COL1A1: variants seen among roughly 807,000 people sequenced by gnomAD.
COL1A1 encodes the protein collagen type I alpha 1 chain, also known as collagen alpha-1(I) chain.
COL1A1 carries 21 observed loss-of-function variants against 195.7 expected under a neutral mutation model. That is an observed-to-expected ratio of 0.11 (90% CI 0.08 to 0.15). The LOEUF is 0.15. Ranked by LOEUF, COL1A1 falls within the 10% of genes least tolerant of loss-of-function variation. The pLI is 1.00. For missense variants in COL1A1, 1,365 were observed against 2,051.0 expected (o/e 0.67, Z 6.46); for synonymous variants, 749 against 747.3 (o/e 1.00, Z -0.04).
chr17:50,191,897 A>T lies in COL1A1; in HGVS notation c.2029-11T>A, dbSNP rs1598292605. ...GAAACCTCTCTCGCCCTAGAAGGGA[A>T]GGACAGGGCATGTGAAGGCTGCTCT... On this transcript the variant is annotated splice_polypyrimidine_tract_variant and intron_variant, in intron 30 of 50. Transcript: ENST00000225964. 1 of 1,603,874 alleles carries T rather than the reference A, an allele frequency of 6.2e-7. No homozygotes were observed. The highest frequency in any genetic ancestry group is 1.1e-5 in the South Asian group (1 of 89,128).
rs1906863990 is a variant in COL1A1, at chr17:50,189,377, A to G, written c.2829T>C (p.Ala943=). The part of the protein sequence containing the change: ...EKGSPGADGP[A]GAPGTPGPQG... ...TGCAGAGATCTGAGCTGGCACTTACAGCAGGACCATCAGCACCAGGGGATC... is the reference window on the plus strand; with the variant it reads ...TGCAGAGATCTGAGCTGGCACTTACGGCAGGACCATCAGCACCAGGGGATC... The change falls in exon 39 of 51, where the codon GCT becomes GCC. Residue 943 remains alanine, a splice_region_variant and synonymous_variant. Coordinates refer to ENST00000225964, the MANE Select transcript of COL1A1 (RefSeq NM_000088.4). The surrounding 1 kb of genome is among the most constrained non-coding windows in gnomAD (Gnocchi z 5.5). 6.2e-7 allele frequency: 1 copy of G among 1,613,516 alleles called. No individual in the cohort carries two copies. Among genetic ancestry groups the G allele is most frequent in the Non-Finnish European group, 8.5e-7 (1 of 1,179,860 alleles).
Position 50,195,167 on chromosome 17 carries a change from C to G in COL1A1, c.1299+65G>C, listed in dbSNP as rs1907465927. 2 of 1,606,274 alleles carry G rather than the reference C, an allele frequency of 1.2e-6. No individual in the cohort carries two copies. The stretch of plus-strand genomic sequence containing the variant: ...CTCAGTTGGCCTGCGTCTTCCTGCT[C>G]CCCAGATGAGAGCCGCACTGGAGCC... On this transcript the variant is annotated intron_variant, in intron 19 of 50. Transcript: ENST00000225964. The surrounding 1 kb of genome is among the most constrained non-coding windows in gnomAD (Gnocchi z 4.3).
chr17:50,197,853 G>C (rs1213799411), intron 8 of COL1A1, 68 bp from the exon 9 acceptor site: 1 of 1,589,028 alleles, frequency 6.3e-7, no homozygotes, highest in African/African-American at 1.3e-5. Flanking sequence ...TGGGATTGAA[G>C]GGAAGAGGTA....
intron 46 of COL1A1, 101 bp downstream of exon 46, chr17:50,187,383 C>G: frequency 8.2e-7 from 1 of 1,217,034 alleles, no homozygotes; most frequent in South Asian, 1.3e-5. Flanking sequence ...GTCCCTGAAC[C>G]CTTCTCCAGA....
In COL1A1 at chr17:50,198,008, G is replaced by C. The variant is rs1333595376; in HGVS notation, c.589-6C>G. 9 of 1,613,916 alleles carry C rather than the reference G, an allele frequency of 5.6e-6. No homozygotes were observed. The highest frequency in any genetic ancestry group is 7.6e-6 in the Non-Finnish European group (9 of 1,179,972). On this transcript the variant is annotated splice_polypyrimidine_tract_variant and splice_region_variant and intron_variant, in intron 7 of 50. Coordinates refer to ENST00000225964, the MANE Select transcript of COL1A1 (RefSeq NM_000088.4). ...CCTTGGAAGCCTTGGGGACCCTTGA[G>C]AAGAAGGAAAAAGATGGGTTAGAAG...
At chr17:50,197,259 T>C (rs750984179) in intron 9 of COL1A1, 26 bp from the exon 10 acceptor site, 7 of 1,611,274 alleles carry the variant, frequency 4.3e-6, no homozygotes, top group Non-Finnish European at 5.1e-6. Flanking sequence ...AAGACCATCA[T>C]GCCTCTGCCT....
At position 50,196,982 on chromosome 17, in the gene COL1A1, G is replaced by A. The variant is rs897388930; in HGVS notation, c.804+28C>T. The A allele has an allele frequency of 4.3e-6, 7 of 1,613,214 alleles. No individual in the cohort carries two copies. The African/African-American group carries it at 9.3e-5, about 22-fold the overall frequency. On this transcript the variant is annotated intron_variant, in intron 11 of 50. Coordinates refer to ENST00000225964, the MANE Select transcript of COL1A1 (RefSeq NM_000088.4). ...GATGGGGGTATGCTAGGGACTTGGG[G>A]AGCTTAAATGACTCAAAGGTGACTC...
intron 6 of COL1A1, 69 bp from the exon 7 acceptor site, chr17:50,198,274 A>T (rs1023739328): frequency 1.3e-6 from 2 of 1,596,154 alleles, no homozygotes; most frequent in African/African-American, 2.7e-5. Flanking sequence ...GTAGTCATTC[A>T]TGCCTGTTGG....
In COL1A1 at chr17:50,187,219, C is replaced by G. The variant is rs919217614; in HGVS notation, c.3424-97G>C. On this transcript the variant is annotated intron_variant, in intron 46 of 50. Coordinates refer to ENST00000225964, the MANE Select transcript of COL1A1 (RefSeq NM_000088.4). The stretch of plus-strand genomic sequence containing the variant: ...ACCACCCTCCCTGCTGGCTCTGGCC[C>G]CACGGCTCATAGAGCCAGCCTCAGC... 3 of 1,076,248 alleles carry G rather than the reference C, an allele frequency of 2.8e-6. No homozygotes were observed. The African/African-American group carries it at 4.7e-5, about 17-fold the overall frequency. 66.7% of individuals were successfully genotyped at this position (1,076,248 alleles called of 1,614,324 possible).
intron 1 of COL1A1, 80 bp downstream of exon 1, chr17:50,201,331 C>T: frequency 1.0e-5 from 13 of 1,277,668 alleles, no homozygotes; most frequent in Non-Finnish European, 1.4e-5. Flanking sequence ...ATCCACGTCT[C>T]GTTTTAAGCC....
rs763565986 is a variant in COL1A1, at chr17:50,191,506, G to C, written c.2128-16C>G. ...CAGCATCACCCTATGTGACAACCAA[G>C]AAGACTGGAGTGAGGCCTGGGGCCC... On this transcript the variant is annotated splice_polypyrimidine_tract_variant and intron_variant, in intron 31 of 50. Coordinates refer to ENST00000225964, the MANE Select transcript of COL1A1 (RefSeq NM_000088.4). 5.0e-6 allele frequency: 8 copies of C among 1,611,876 alleles called. No homozygotes were observed. The Admixed American group carries it at 1.3e-4, about 27-fold the overall frequency.
At chr17:50,192,199 G>C (rs192054020) in intron 29 of COL1A1, 175 bp from the exon 30 acceptor site, 44 of 773,398 alleles carry the variant, frequency 5.7e-5, no homozygotes, top group African/African-American at 5.5e-4. Flanking sequence ...ATGTGTCAAA[G>C]GCTTCCCCCC....
chr17:50,200,930 C>T (rs1315503529), intron 1 of COL1A1, among the ~76,000 whole-genome samples: 1 of 152,246 alleles, frequency 6.6e-6, no homozygotes, highest in Admixed American at 6.5e-5. Context: ...CAAAGTTTCT[C>T]ATCCTCCACC....
chr17:50,197,815 A>G (rs1907725862), intron 8 of COL1A1, 30 bp from the exon 9 acceptor site: 1 of 1,602,496 alleles, frequency 6.2e-7, no homozygotes, highest in Non-Finnish European at 8.5e-7. Flanking sequence ...TGGTTAGAAT[A>G]TGGATAAGAA....
At chr17:50,187,150 G>A in intron 46 of COL1A1, 28 bp from the exon 47 acceptor site, 2 of 1,557,804 alleles carry the variant, frequency 1.3e-6, no homozygotes, top group South Asian at 1.2e-5. Flanking sequence ...GTTTGAGAAA[G>A]GCTGCCAGAA....
At chr17:50,196,760 G>A in intron 11 of COL1A1, 90 bp from the exon 12 acceptor site, 3 of 1,396,630 alleles carry the variant, frequency 2.1e-6, no homozygotes, top group African/African-American at 1.4e-5. Context: ...AGCCTTGGGA[G>A]GTCATCACCG....
Position 50,199,641 on chromosome 17 carries a change from C to T in COL1A1, c.299-51G>A, listed in dbSNP as rs376935598. On this transcript the variant is annotated intron_variant, in intron 2 of 50. Transcript: ENST00000225964. ...GAGCCAAGGTTTGCTAATGCTGCTCCCGTCGGCAGAGGCCTCCAGCACGGA... is the reference window on the plus strand; with the variant it reads ...GAGCCAAGGTTTGCTAATGCTGCTCTCGTCGGCAGAGGCCTCCAGCACGGA... 66 of 1,613,230 alleles carry T rather than the reference C, an allele frequency of 4.1e-5. No homozygotes were observed. In the African/African-American group the frequency reaches 8.4e-4, roughly 21 times the overall value.
chr17:50,185,430 G>A lies in COL1A1; in HGVS notation c.*72C>T. 2 of 1,594,338 alleles carry A rather than the reference G, an allele frequency of 1.3e-6. No homozygotes were observed. The highest frequency in any genetic ancestry group is 8.6e-7 in the Non-Finnish European group (1 of 1,163,296). The stretch of plus-strand genomic sequence containing the variant: ...TGGCTTTTGAGGGGGTTCAGTTTGG[G>A]TTGCTTGTCTGTTTCCGGGTTGGGG... On this transcript the variant is annotated 3_prime_UTR_variant, in exon 51 of 51. Coordinates refer to ENST00000225964, the MANE Select transcript of COL1A1 (RefSeq NM_000088.4).
intron 25 of COL1A1, chr17:50,193,672 G>C (rs1387274345): frequency 2.3e-6 from 1 of 436,054 alleles, no homozygotes; most frequent in Non-Finnish European, 4.3e-6. Flanking sequence ...TAGTAGAGAC[G>C]TGGTTTCACT....
Sources: gnomAD v4.1 joint callset for allele counts (sites outside exome capture counted in the v4.1 genomes callset) on GRCh38, gnomAD v4.1.1 for gene constraint, Gnocchi (gnomAD v3.1) non-coding constraint, MANE v1.5 for transcripts, NCBI Gene and HGNC (gene_info 2026-07-23, HGNC 2026-07-21) for gene names.